Variants in COL8A2 observed in about 807,000 individuals in gnomAD.
COL8A2 encodes collagen type VIII alpha 2 chain.
Under a neutral mutation model 24.0 loss-of-function variants are expected in COL8A2, and 16 were observed. The ratio of observed to expected loss-of-function variants is 0.67; its 90% CI spans 0.45 to 1.01. The LOEUF (loss-of-function observed/expected upper bound fraction) is 1.01, where lower values mean the gene tolerates loss of function less well. COL8A2 is among the 50% of genes least tolerant of loss of function. The pLI, the probability that COL8A2 is intolerant of heterozygous loss-of-function variation, is 0.00. For missense variants in COL8A2, 818 were observed against 942.4 expected, an observed-to-expected ratio of 0.87 and a Z score of 1.73; for synonymous variants, 466 against 424.5, an observed-to-expected ratio of 1.10 and a Z score of -1.20.
chr1:36,095,658 T>G lies in COL8A2; in HGVS notation c.*1911A>C, dbSNP rs534760285. The G allele has an allele frequency of 9.8e-5, 15 of 152,310 alleles. No individual in the cohort carries two copies. Among genetic ancestry groups the G allele is most frequent in the African/African-American group, 2.6e-4 (11 of 41,564 alleles). The allele number at this position is 152,310 out of a possible 1,614,324, so 9.4% of individuals were successfully genotyped here. ...TCAGCTCTGTGAAATAGCTCCCGTTTTTTTTCTTGGGACCCTACTTAGTTC... is the reference window on the plus strand; with the variant it reads ...TCAGCTCTGTGAAATAGCTCCCGTTGTTTTTCTTGGGACCCTACTTAGTTC... On this transcript the variant is annotated 3_prime_UTR_variant, in exon 4 of 4. Coordinates refer to ENST00000397799, the MANE Select transcript of COL8A2 (RefSeq NM_005202.4).
intron 2 of COL8A2, among the ~76,000 whole-genome samples, chr1:36,110,716 G>A (rs1369033000): frequency 6.6e-6 from 1 of 151,738 alleles, no homozygotes; most frequent in Non-Finnish European, 1.5e-5. Context: ...GGTCTCGAAC[G>A]CCTGACCTCA....
Position 36,125,067 on chromosome 1 carries a change from G to A in COL8A2, c.-72C>T. On this transcript the variant is annotated 5_prime_UTR_variant, in exon 1 of 4. Transcript: ENST00000397799. This position sits in a 1 kb window ranked among gnomAD's most constrained non-coding sequence, Gnocchi z 4.5. ...CCTCCTGGCCTTTACCTGCGGGCGC[G>A]GCCGCCGGGCGCCGCTCCCGGCCCT... The A allele has an allele frequency of 1.0e-6, 1 of 981,088 alleles. No individual in the cohort carries two copies. Among genetic ancestry groups the A allele is most frequent in the Non-Finnish European group, 1.2e-6 (1 of 826,964 alleles). The allele number at this position is 981,088 out of a possible 1,614,324, so 60.8% of individuals were successfully genotyped here.
intron 2 of COL8A2, among the ~76,000 whole-genome samples, chr1:36,111,158 C>T (rs945795161): frequency 1.3e-5 from 2 of 152,134 alleles, no homozygotes; most frequent in African/African-American, 4.8e-5. Context: ...CTGCCCTTGC[C>T]CCCAGTCTCC....
intron 1 of COL8A2, among the ~76,000 whole-genome samples, chr1:36,120,849 A>G (rs971908364): frequency 1.3e-4 from 19 of 151,832 alleles, no homozygotes; most frequent in East Asian, 3.9e-4. Flanking sequence ...AGCACTTTGG[A>G]AGGCCAAGGT....
At chr1:36,124,710 TCC>T (rs1242772368) in intron 1 of COL8A2, among the ~76,000 whole-genome samples, 1 of 152,002 alleles carries the variant, frequency 6.6e-6, no homozygotes, top group Admixed American at 6.6e-5. Flanking sequence ...GGCTTTTTTA[TCC>T]CCACTTTACA....
intron 2 of COL8A2, among the ~76,000 whole-genome samples, chr1:36,110,680 T>C (rs968674861): frequency 3.3e-5 from 5 of 152,008 alleles, no homozygotes; most frequent in African/African-American, 1.2e-4. Context: ...TTAGTAGAGA[T>C]GGGGTTTCAC....
At position 36,114,340 on chromosome 1, in the gene COL8A2, AG is replaced by A. The variant is rs1472582563; in HGVS notation, c.-17+1367del. 2.7e-5 allele frequency among the ~76,000 whole-genome samples: 4 copies of A among 147,924 alleles called. No homozygotes were observed. In the East Asian group the frequency reaches 8.0e-4, roughly 30 times the overall value. ...TCTCAAAAAAAAAAAAAAAAAATAC[AG>A]GTTCGTTGGCGGGGTTGCTGCAGCC... is the stretch of plus-strand genomic sequence containing the variant. On this transcript the variant is annotated intron_variant, in intron 2 of 3. Coordinates refer to ENST00000397799, the MANE Select transcript of COL8A2 (RefSeq NM_005202.4).
At chr1:36,124,877 G>A (rs1346056774) in intron 1 of COL8A2, among the ~76,000 whole-genome samples, 180 bp downstream of exon 1, 2 of 152,060 alleles carry the variant, frequency 1.3e-5, no homozygotes, top group Non-Finnish European at 2.9e-5. Context: ...GGGGCACAGG[G>A]AACGGGATGG....
At chr1:36,117,989 AAT>A (rs1303228783) in intron 1 of COL8A2, among the ~76,000 whole-genome samples, 1 of 152,192 alleles carries the variant, frequency 6.6e-6, no homozygotes, top group Non-Finnish European at 1.5e-5. Flanking sequence ...AAATGCCTTG[AAT>A]ATCAGGATCA....
chr1:36,105,075 TG>T (rs1335130840), intron 2 of COL8A2, among the ~76,000 whole-genome samples: 1 of 152,074 alleles, frequency 6.6e-6, no homozygotes, highest in African/African-American at 2.4e-5. Flanking sequence ...GGGATGTGTG[TG>T]GGGAGAAGGC....
chr1:36,120,911 A>G (rs2124112890), intron 1 of COL8A2, among the ~76,000 whole-genome samples: 1 of 151,880 alleles, frequency 6.6e-6, no homozygotes, highest in Admixed American at 6.6e-5. Flanking sequence ...CAACATGGTG[A>G]AACCTTGTCT....
Position 36,099,367 on chromosome 1 carries a change from G to T in COL8A2, c.314C>A (p.Pro105Gln), listed in dbSNP as rs868544020. The T allele has an allele frequency of 6.3e-7, 1 of 1,578,694 alleles. No homozygotes were observed. The highest frequency in any genetic ancestry group is 8.6e-7 in the Non-Finnish European group (1 of 1,165,758). ...GFPGKPGMGK[P>Q]GLHGQPGPAG... Reference sequence around the variant, plus strand: ...AGGGCCAGGCTGCCCATGGAGTCCTGGCTTTCCCATGCCTGGTTTTCCTGG... The same window carrying T: ...AGGGCCAGGCTGCCCATGGAGTCCTTGCTTTCCCATGCCTGGTTTTCCTGG... The change falls in exon 4 of 4, where the codon CCA (proline) becomes CAA (glutamine). Residue 105 changes from proline to glutamine, a missense_variant. By Grantham distance (76) the Pro-to-Gln change is moderately conservative. Around this residue, in one of 3 missense-constraint regions of COL8A2, gnomAD observed 573 missense variants for 616.8 expected, o/e 0.93. Coordinates refer to ENST00000397799, the MANE Select transcript of COL8A2 (RefSeq NM_005202.4).
At chr1:36,109,581 CTTTT>C (rs10715688) in intron 2 of COL8A2, among the ~76,000 whole-genome samples, 2 of 141,106 alleles carry the variant, frequency 1.4e-5, no homozygotes, top group African/African-American at 5.2e-5. Context: ...AGTAACCACT[CTTTT>C]TTTTTTTTTT....
rs77122796 is a variant in COL8A2 at position 36,118,468 on chromosome 1, C to T, written c.-61-2716G>A. 4.1e-3 allele frequency among the ~76,000 whole-genome samples: 622 copies of T among 152,380 alleles called. 5 individuals are homozygous for T. The highest frequency in any genetic ancestry group is 0.014 in the African/African-American group (587 of 41,592). ...CCACTCCAGTGGGCCAAGGCCCCCT[C>T]TGTCTTACAAATAGGAAGCTGGGGT... On this transcript the variant is annotated intron_variant, in intron 1 of 3. Coordinates refer to ENST00000397799, the MANE Select transcript of COL8A2 (RefSeq NM_005202.4).
chr1:36,115,737 C>T lies in COL8A2; in HGVS notation c.-46G>A, dbSNP rs1420844678. The T allele has an allele frequency of 6.1e-6, 6 of 985,350 alleles. No homozygotes were observed. Among genetic ancestry groups the T allele is most frequent in the Non-Finnish European group, 6.0e-6 (5 of 830,048 alleles). 61.0% of individuals were successfully genotyped at this position (985,350 alleles called of 1,614,324 possible). A position where few individuals can be genotyped will look rare whatever the true frequency, so the allele number is the denominator to read the frequency against. On this transcript the variant is annotated 5_prime_UTR_variant, in exon 2 of 4. Coordinates refer to ENST00000397799, the MANE Select transcript of COL8A2 (RefSeq NM_005202.4). This position sits in a 1 kb window ranked among gnomAD's most constrained non-coding sequence, Gnocchi z 5.7. Reference sequence around the variant, plus strand: ...CAGGTCGGAGGGGCCTGGGAAGGTTCCAGCAGAGGCAGGGCCTGAGGATGA... The same window carrying T: ...CAGGTCGGAGGGGCCTGGGAAGGTTTCAGCAGAGGCAGGGCCTGAGGATGA...
intron 2 of COL8A2, among the ~76,000 whole-genome samples, chr1:36,109,222 G>A (rs1643803736): frequency 6.6e-6 from 1 of 152,178 alleles, no homozygotes; most frequent in African/African-American, 2.4e-5. Flanking sequence ...CATTGCTGTG[G>A]GATCCGGCTG....
rs1228830334 is a variant in COL8A2, at chr1:36,115,685, C to A, written c.-17+23G>T. 1 of 984,708 alleles carries A rather than the reference C, an allele frequency of 1.0e-6. No homozygotes were observed. Among genetic ancestry groups the A allele is most frequent in the Non-Finnish European group, 1.2e-6 (1 of 829,384 alleles). The allele number at this position is 984,708 out of a possible 1,614,324, so 61.0% of individuals were successfully genotyped here. On this transcript the variant is annotated intron_variant, in intron 2 of 3. Coordinates refer to ENST00000397799, the MANE Select transcript of COL8A2 (RefSeq NM_005202.4). This position sits in a 1 kb window ranked among gnomAD's most constrained non-coding sequence, Gnocchi z 5.7. ...TCATCTGGCCTGAGATATCAGAAAA[C>A]CCCATCCCCAAACCTAGCTTACCTT...
Position 36,098,569 on chromosome 1 carries a change from C to G in COL8A2, c.1112G>C (p.Arg371Thr). The G allele has an allele frequency of 6.2e-7, 1 of 1,607,372 alleles. No individual in the cohort carries two copies. Reference protein sequence around the residue: ...GLPGSAGLPGRRGPPGPKGEA... With the variant: ...GLPGSAGLPGTRGPPGPKGEA... ...ACCCTTAGGCCCAGGGGGCCCACGTCTGCCAGGAAGCCCTGCAGACCCAGG... is the reference window on the plus strand; with the variant it reads ...ACCCTTAGGCCCAGGGGGCCCACGTGTGCCAGGAAGCCCTGCAGACCCAGG... The change falls in exon 4 of 4, where the codon AGA becomes ACA. Residue 371 changes from arginine to threonine, a missense_variant. By Grantham distance (71) the Arg-to-Thr change is moderately conservative (BLOSUM62 -1). This residue lies in a region of COL8A2 where 573 missense variants were observed against 616.8 expected (regional missense o/e 0.93). Transcript: ENST00000397799.
rs1044137259 is a variant in COL8A2, at chr1:36,115,774, A to G, written c.-61-22T>C. On this transcript the variant is annotated intron_variant, in intron 1 of 3. Coordinates refer to ENST00000397799, the MANE Select transcript of COL8A2 (RefSeq NM_005202.4). This position sits in a 1 kb window ranked among gnomAD's most constrained non-coding sequence, Gnocchi z 5.7. The stretch of plus-strand genomic sequence containing the variant: ...GGGCCTGAGGATGAACAAGAGAAAC[A>G]GTGAGGCTATGGGGCAGTGGCTCAA... 3.1e-5 allele frequency: 31 copies of G among 985,154 alleles called. No individual in the cohort carries two copies. The highest frequency in any genetic ancestry group is 5.2e-4 in the Middle Eastern group (1 of 1,936). 61.0% of individuals were successfully genotyped at this position (985,154 alleles called of 1,614,324 possible).
Sources: gnomAD v4.1 joint callset for allele counts (sites outside exome capture counted in the v4.1 genomes callset) on GRCh38, gnomAD v4.1.1 for gene constraint, gnomAD v4.1.1 regional missense constraint, Gnocchi (gnomAD v3.1) non-coding constraint, MANE v1.5 for transcripts, NCBI Gene and HGNC (gene_info 2026-07-23, HGNC 2026-07-21) for gene names.